SLC2A11: variants seen among roughly 807,000 people sequenced by gnomAD.
SLC2A11 encodes solute carrier family 2, facilitated glucose transporter member 11.
A neutral mutation model predicts 52.1 loss-of-function variants in SLC2A11; 43 were observed. The ratio of observed to expected loss-of-function variants is 0.82; its 90% CI spans 0.65 to 1.06. The LOEUF is 1.06. Among genes scored for constraint, SLC2A11 ranks in the 50% least tolerant of loss-of-function variants. SLC2A11 has a pLI of 0.00. For synonymous variants in SLC2A11, 261 were observed against 277.6 expected (o/e 0.94, Z 0.59); for missense variants, 582 against 654.2 (o/e 0.89, Z 1.20).
intron 2 of SLC2A11, chr22:23,867,913 C>T (rs1464536196): frequency 5.8e-6 from 2 of 343,806 alleles, no homozygotes; most frequent in Admixed American, 7.6e-5. Context: ...AGTAAAGGGC[C>T]TTCCTGAGTT....
At chr22:23,870,231 A>C (rs2032407610) in intron 3 of SLC2A11, 1 of 568,596 alleles carries the variant, frequency 1.8e-6, no homozygotes, top group East Asian at 3.0e-5. Flanking sequence ...ATCTCATGAT[A>C]CCTGGTACAG....
rs1037350912 is a variant in SLC2A11 at position 23,878,884 on chromosome 22, A to G, written c.694+1015A>G. ...ATCCAGAAACCTAGGATCTAGAAAG[A>G]TGAGTCTTCTTCCCTTCCCACACTC... On this transcript the variant is annotated intron_variant, in intron 6 of 11. Transcript: ENST00000316185. Among the ~76,000 whole-genome samples the G allele has an allele frequency of 5.9e-5, 9 of 152,204 alleles. No homozygotes were observed. In the South Asian group the frequency reaches 1.7e-3, roughly 28 times the overall value.
chr22:23,865,775 A>G (rs2330625), intron 2 of SLC2A11: 45,147 of 152,098 alleles, frequency 0.3, 7,007 homozygotes, highest in Non-Finnish European at 0.33. Flanking sequence ...GATGTGGAGG[A>G]TGAGGATTCT....
At chr22:23,863,293 G>A (rs2032138539) in intron 2 of SLC2A11, among the ~76,000 whole-genome samples, 1 of 152,148 alleles carries the variant, frequency 6.6e-6, no homozygotes, top group Admixed American at 6.6e-5. Flanking sequence ...CTTAGGCTGT[G>A]TGAGGGCTGT....
At chr22:23,879,783 T>C (rs2032739077) in intron 6 of SLC2A11, 1 of 152,442 alleles carries the variant, frequency 6.6e-6, no homozygotes, top group Non-Finnish European at 1.5e-5. Flanking sequence ...CACACCACTA[T>C]GCGTGGCTCT....
intron 1 of SLC2A11, among the ~76,000 whole-genome samples, chr22:23,861,141 G>A (rs1156399951): frequency 1.3e-5 from 2 of 151,160 alleles, no homozygotes; most frequent in South Asian, 4.2e-4. Context: ...CACTGCGCCC[G>A]GCCAATTTTT....
intron 2 of SLC2A11, chr22:23,866,790 T>G (rs2032280350): frequency 6.6e-6 from 1 of 152,418 alleles, no homozygotes; most frequent in African/African-American, 2.4e-5. Flanking sequence ...TGCTGGTATG[T>G]GCCTGTTAGT....
At chr22:23,874,124 T>C (rs1305282851) in intron 3 of SLC2A11, among the ~76,000 whole-genome samples, 1 of 152,198 alleles carries the variant, frequency 6.6e-6, no homozygotes, top group African/African-American at 2.4e-5. Flanking sequence ...GACCAAGGCA[T>C]TGAGATATAC....
upstream of SLC2A11, chr22:23,857,679 C>T: frequency 8.9e-7 from 1 of 1,127,002 alleles, no homozygotes; most frequent in South Asian, 1.5e-5. Flanking sequence ...GCGCCTCAGG[C>T]GCCCTCCGCG....
intron 1 of SLC2A11, among the ~76,000 whole-genome samples, chr22:23,859,740 C>G (rs572229307): frequency 6.6e-6 from 1 of 152,192 alleles, no homozygotes. Flanking sequence ...CTGCCCACCT[C>G]GGCCTCCCAA....
chr22:23,857,817 A>G (rs1601479503), upstream of SLC2A11: 24 of 1,470,026 alleles, frequency 1.6e-5, 1 homozygote, highest in South Asian at 9.6e-5. Context: ...CGCTTGCGCT[A>G]CAGCTTCGTC....
intron 6 of SLC2A11, among the ~76,000 whole-genome samples, chr22:23,879,063 G>A (rs1442162427): frequency 6.6e-6 from 1 of 152,138 alleles, no homozygotes; most frequent in Non-Finnish European, 1.5e-5. Flanking sequence ...CTTGGGGGTA[G>A]GGAGTATTCT....
chr22:23,867,501 GA>G (rs2032308714), intron 2 of SLC2A11: 7 of 326,880 alleles, frequency 2.1e-5, no homozygotes, highest in South Asian at 1.7e-4. Flanking sequence ...CCTGGCCACG[GA>G]ATTTCTTGAG....
Position 23,884,885 on chromosome 22 carries a change from G to C in SLC2A11, c.*36G>C. ...GTGGCCAGAGCCAAAGCCAGCTACT[G>C]TCCTGTCCTCTGCTTCCTGCCAGGG... On this transcript the variant is annotated 3_prime_UTR_variant, in exon 12 of 12. Transcript: ENST00000316185. This position sits in a 1 kb window ranked among gnomAD's most constrained non-coding sequence, Gnocchi z 4.3. The C allele has an allele frequency of 6.3e-7, 1 of 1,584,464 alleles. No individual in the cohort carries two copies. The highest frequency in any genetic ancestry group is 1.1e-5 in the South Asian group (1 of 89,746).
intron 1 of SLC2A11, among the ~76,000 whole-genome samples, chr22:23,859,792 A>ACT (rs1395240969): frequency 6.6e-6 from 1 of 152,206 alleles, no homozygotes; most frequent in East Asian, 1.9e-4. Flanking sequence ...TCCGGCCAAC[A>ACT]CTCAGTATTT....
intron 1 of SLC2A11, among the ~76,000 whole-genome samples, chr22:23,858,803 C>G (rs1006954479): frequency 1.3e-5 from 2 of 152,186 alleles, no homozygotes; most frequent in East Asian, 3.8e-4. Context: ...AGCTGATGTA[C>G]TATATATTTT....
chr22:23,882,548 C>G lies in SLC2A11; in HGVS notation c.784C>G (p.Arg262Gly). The G allele has an allele frequency of 6.2e-7, 1 of 1,609,824 alleles. No individual in the cohort carries two copies. Residue 262 changes from arginine (R) to glycine (G), a missense_variant, in exon 7 of 12, where the codon CGG (arginine) becomes GGG (glycine). Arg to Gly is a moderately radical substitution (Grantham distance 125). Coordinates refer to ENST00000316185, the MANE Select transcript of SLC2A11 (RefSeq NM_001024939.4). Reference sequence around the variant, plus strand: ...CGCTGCCTGCCAGGGCTGCCGTGCCCGGCGCCCATGGGAGCTGTTCCAGCA... The same window carrying G: ...CGCTGCCTGCCAGGGCTGCCGTGCCGGGCGCCCATGGGAGCTGTTCCAGCA... Reference protein sequence around the residue: ...ERAACQGCRARRPWELFQHRA... With the variant: ...ERAACQGCRAGRPWELFQHRA...
upstream of SLC2A11, chr22:23,857,524 G>C (rs1485398613): frequency 3.7e-6 from 6 of 1,613,280 alleles, no homozygotes; most frequent in Non-Finnish European, 5.1e-6. Context: ...TTACGGCCTC[G>C]GACGCAGGTG....
intron 3 of SLC2A11, 110 bp downstream of exon 3, chr22:23,868,751 C>A: frequency 1.5e-6 from 2 of 1,322,262 alleles, no homozygotes. Flanking sequence ...AGGCCCAGAT[C>A]AGCTCCTCAT....
Sources: allele counts gnomAD v4.1 joint callset (sites outside exome capture counted in the v4.1 genomes callset), GRCh38; gene constraint gnomAD v4.1.1; non-coding constraint Gnocchi (gnomAD v3.1); transcripts MANE v1.5; gene names NCBI Gene and HGNC (gene_info 2026-07-23, HGNC 2026-07-21).